Variants in GSAP observed in about 807,000 individuals in gnomAD.
GSAP encodes gamma-secretase-activating protein.
A neutral mutation model predicts 131.7 loss-of-function variants in GSAP; 118 were observed. That is an observed-to-expected ratio of 0.90 (90% confidence interval 0.77 to 1.04). GSAP has a LOEUF of 1.04. Ranked by LOEUF, GSAP falls within the 50% of genes least tolerant of loss-of-function variation. The probability of loss-of-function intolerance (pLI) is 0.00; values close to 1 mark genes in which losing one functional copy is unlikely to be tolerated. For missense variants in GSAP, 1,019 were observed against 1,013.2 expected, an observed-to-expected ratio of 1.01 and a Z score of -0.08; for synonymous variants, 381 against 363.4, an observed-to-expected ratio of 1.05 and a Z score of -0.55.
At chr7:77,314,282 G>T in intron 27 of GSAP, 88 bp downstream of exon 27, 1 of 1,390,410 alleles carries the variant, frequency 7.2e-7, no homozygotes, top group Non-Finnish European at 1.0e-6. Flanking sequence ...CCAGGCTCTT[G>T]GTGACTGCAC....
intron 22 of GSAP, chr7:77,327,115 A>G (rs1334943618): frequency 1.3e-5 from 2 of 152,202 alleles, no homozygotes; most frequent in Non-Finnish European, 2.9e-5. Flanking sequence ...ACAGCCCTGC[A>G]TTTCACAGAA....
rs772865255 is a variant in GSAP at position 77,371,527 on chromosome 7, TG to T, written c.871+2542del. Among the ~76,000 whole-genome samples the T allele has an allele frequency of 1.3e-4, 19 of 151,458 alleles. 2 individuals carry two copies. In the East Asian group the frequency reaches 1.6e-3, roughly 12 times the overall value. On this transcript the variant is annotated intron_variant, in intron 12 of 30. Transcript: ENST00000257626. Reference sequence around the variant, plus strand: ...TCAGCTCACTGCAACCTCCGCCTCTTGGGTTCAAGCGATTTTCCTGCCTCAG... The same window carrying T: ...TCAGCTCACTGCAACCTCCGCCTCTTGGTTCAAGCGATTTTCCTGCCTCAG...
chr7:77,324,820 G>T (rs1788102421), intron 23 of GSAP, among the ~76,000 whole-genome samples: 2 of 139,640 alleles, frequency 1.4e-5, no homozygotes, highest in Admixed American at 7.3e-5. Context: ...AACATTGTTT[G>T]CCATACTTTT....
chr7:77,374,543 T>C (rs1379835568), intron 11 of GSAP, among the ~76,000 whole-genome samples: 1 of 152,100 alleles, frequency 6.6e-6, no homozygotes, highest in Non-Finnish European at 1.5e-5. Flanking sequence ...TACATATTGA[T>C]GGCCTTATGC....
At chr7:77,333,354 C>A (rs1470392549) in intron 19 of GSAP, among the ~76,000 whole-genome samples, 1 of 152,020 alleles carries the variant, frequency 6.6e-6, no homozygotes, top group Admixed American at 6.6e-5. Flanking sequence ...AGATCTGAGC[C>A]AGAGCATCAG....
rs762695268 is a variant in GSAP at position 77,392,485 on chromosome 7, T to C, written c.367+4497A>G. On this transcript the variant is annotated intron_variant, in intron 5 of 30. Coordinates refer to ENST00000257626, the MANE Select transcript of GSAP (RefSeq NM_017439.4). The stretch of plus-strand genomic sequence containing the variant: ...ATCGCTTGAACCCGGAAGTTGGAGG[T>C]TGCAGTGAGCTGAGATCACACCACT... Among the ~76,000 whole-genome samples the C allele has an allele frequency of 1.8e-4, 27 of 151,452 alleles. 1 individual carries two copies. Among genetic ancestry groups the C allele is most frequent in the Middle Eastern group, 6.8e-3 (2 of 292 alleles).
chr7:77,376,928 G>A lies in GSAP; in HGVS notation c.682-21C>T. ...GATTTCTAAAAGAGAAAACAGAATG[G>A]CATATTAAAAAACCAGGAAAAAAAG... is the stretch of plus-strand genomic sequence containing the variant. On this transcript the variant is annotated intron_variant, in intron 9 of 30. Coordinates refer to ENST00000257626, the MANE Select transcript of GSAP (RefSeq NM_017439.4). The A allele has an allele frequency of 2.3e-6, 3 of 1,301,520 alleles. No homozygotes were observed. The South Asian group carries it at 4.0e-5, about 17-fold the overall frequency. 80.6% of individuals were successfully genotyped at this position (1,301,520 alleles called of 1,614,324 possible).
chr7:77,359,427 C>T (rs1172258295), intron 14 of GSAP, among the ~76,000 whole-genome samples: 2 of 152,034 alleles, frequency 1.3e-5, no homozygotes, highest in Non-Finnish European at 2.9e-5. Flanking sequence ...ATCTTTCTTA[C>T]ATAGAAGTGT....
intron 1 of GSAP, 49 bp downstream of exon 1, chr7:77,416,164 G>T: frequency 9.1e-7 from 1 of 1,102,140 alleles, no homozygotes; most frequent in Non-Finnish European, 1.2e-6. Flanking sequence ...GGGGTATGAG[G>T]GACTCCCACT....
intron 12 of GSAP, among the ~76,000 whole-genome samples, chr7:77,368,952 T>C (rs1029025371): frequency 6.6e-6 from 1 of 152,190 alleles, no homozygotes; most frequent in Non-Finnish European, 1.5e-5. Flanking sequence ...TCATCAATGA[T>C]GAAGATAATA....
chr7:77,311,773 G>T, intron 30 of GSAP, 68 bp downstream of exon 30: 1 of 790,666 alleles, frequency 1.3e-6, no homozygotes, highest in South Asian at 1.5e-5. Flanking sequence ...AGACAAAGAA[G>T]TGAATAGGGA....
chr7:77,312,227 T>A, intron 28 of GSAP, 25 bp from the exon 29 acceptor site: 1 of 1,020,998 alleles, frequency 9.8e-7, no homozygotes, highest in Non-Finnish European at 1.4e-6. Flanking sequence ...GAAAAAAATG[T>A]AGCGAATACC....
intron 22 of GSAP, chr7:77,326,958 C>G (rs928847794): frequency 6.6e-6 from 1 of 152,314 alleles, no homozygotes; most frequent in Admixed American, 6.5e-5. Flanking sequence ...GATCCAGTGC[C>G]AGGCAAGAGG....
At chr7:77,392,740 G>A (rs1799784899) in intron 5 of GSAP, among the ~76,000 whole-genome samples, 1 of 152,164 alleles carries the variant, frequency 6.6e-6, no homozygotes, top group Admixed American at 6.5e-5. Flanking sequence ...GACAAGGATG[G>A]GAGAGTTCAA....
intron 19 of GSAP, among the ~76,000 whole-genome samples, chr7:77,339,558 A>G (rs1429752481): frequency 6.6e-6 from 1 of 152,194 alleles, no homozygotes; most frequent in Non-Finnish European, 1.5e-5. Flanking sequence ...TGTGGAGCCA[A>G]AAGAGCCCCC....
Position 77,382,334 on chromosome 7 carries a change from T to A in GSAP, c.526+240A>T, listed in dbSNP as rs576980474. The stretch of plus-strand genomic sequence containing the variant: ...TTCTACCATGGGACAAAATTGCAGA[T>A]CCATGTATGCAAGAGCCCATCATTC... On this transcript the variant is annotated intron_variant, in intron 7 of 30. Transcript: ENST00000257626. Among the ~76,000 whole-genome samples, 45 of 152,218 alleles carry A rather than the reference T, an allele frequency of 3.0e-4. No individual in the cohort carries two copies. The South Asian group carries it at 9.1e-3, about 31-fold the overall frequency.
intron 25 of GSAP, among the ~76,000 whole-genome samples, 175 bp downstream of exon 25, chr7:77,321,158 T>TAA (rs1331704837): frequency 1.3e-5 from 2 of 152,200 alleles, no homozygotes; most frequent in African/African-American, 4.8e-5. Context: ...TATTATACAT[T>TAA]AAAGGGTACA....
At chr7:77,408,979 C>T (rs187145700) in intron 1 of GSAP, among the ~76,000 whole-genome samples, 198 of 152,234 alleles carry the variant, frequency 1.3e-3, no homozygotes, top group Non-Finnish European at 2.1e-3. Flanking sequence ...ACTTAGACAT[C>T]ATCCTGAGAT....
At chr7:77,339,989 T>G (rs1030413003) in intron 19 of GSAP, among the ~76,000 whole-genome samples, 4 of 152,300 alleles carry the variant, frequency 2.6e-5, no homozygotes, top group African/African-American at 9.6e-5. Context: ...GACCTACACG[T>G]ATACATCCAG....
Sources: gnomAD v4.1 joint callset for allele counts (sites outside exome capture counted in the v4.1 genomes callset) on GRCh38, gnomAD v4.1.1 for gene constraint, MANE v1.5 for transcripts, NCBI Gene and HGNC (gene_info 2026-07-23, HGNC 2026-07-21) for gene names.